Variants in CABCOCO1 observed in about 807,000 individuals in gnomAD.
The protein encoded by CABCOCO1 is ciliary associated calcium binding coiled-coil 1, also known as ciliary-associated calcium-binding coiled-coil protein 1.
In CABCOCO1, 28 loss-of-function variants were observed where a neutral mutation model predicts 35.7. The ratio of observed to expected loss-of-function variants is 0.78; its 90% CI spans 0.58 to 1.07. CABCOCO1 has a LOEUF of 1.07. Among genes scored for constraint, CABCOCO1 ranks in the 50% least tolerant of loss-of-function variants. The pLI, the probability that CABCOCO1 is intolerant of heterozygous loss-of-function variation, is 0.00. For missense variants in CABCOCO1, 326 were observed against 309.2 expected, an observed-to-expected ratio of 1.05 and a Z score of -0.41; for synonymous variants, 95 against 100.1, an observed-to-expected ratio of 0.95 and a Z score of 0.30.
intron 5 of CABCOCO1, among the ~76,000 whole-genome samples, chr10:61,703,435 G>A (rs1283313071): frequency 1.3e-5 from 2 of 151,948 alleles, no homozygotes; most frequent in Non-Finnish European, 2.9e-5. Context: ...AATGAACCCA[G>A]TTATTTTGCT....
chr10:61,703,950 G>A (rs980960389), intron 5 of CABCOCO1, among the ~76,000 whole-genome samples: 1 of 152,020 alleles, frequency 6.6e-6, no homozygotes, highest in Non-Finnish European at 1.5e-5. Flanking sequence ...AGTGGCTCAC[G>A]CCTGTAATCC....
intron 5 of CABCOCO1, among the ~76,000 whole-genome samples, chr10:61,709,757 C>T (rs1401622969): frequency 2.7e-5 from 4 of 150,818 alleles, no homozygotes; most frequent in South Asian, 4.2e-4. Flanking sequence ...TCTCATTTTT[C>T]GTAGGGTTCC....
At chr10:61,721,287 A>G (rs1170507114) in intron 5 of CABCOCO1, among the ~76,000 whole-genome samples, 4 of 151,916 alleles carry the variant, frequency 2.6e-5, no homozygotes, top group Admixed American at 2.0e-4. Flanking sequence ...AAACTTGCCC[A>G]TTTACCTGAA....
intron 5 of CABCOCO1, among the ~76,000 whole-genome samples, chr10:61,726,941 T>C (rs891404623): frequency 6.7e-6 from 1 of 149,922 alleles, no homozygotes; most frequent in Non-Finnish European, 1.5e-5. Context: ...CACACACCTG[T>C]AATTCCAGCT....
At position 61,678,731 on chromosome 10, in the gene CABCOCO1, G is replaced by GA. The variant is rs1036255504; in HGVS notation, c.165-2405dup. ...CACTCTTTCTTATTTTTATTCAACA[G>GA]AAAAAAAGAAACTGCATCCTCTGTT... is the stretch of plus-strand genomic sequence containing the variant. On this transcript the variant is annotated intron_variant, in intron 2 of 7. Transcript: ENST00000648843. 6.6e-5 allele frequency among the ~76,000 whole-genome samples: 10 copies of GA among 151,956 alleles called. No individual in the cohort carries two copies. The East Asian group carries it at 9.7e-4, about 15-fold the overall frequency.
chr10:61,725,261 A>T (rs1442031501), intron 5 of CABCOCO1, among the ~76,000 whole-genome samples: 1 of 152,194 alleles, frequency 6.6e-6, no homozygotes, highest in Non-Finnish European at 1.5e-5. Context: ...ATTACTGGGT[A>T]CATACCCAAA....
chr10:61,715,326 G>C (rs1483552431), intron 5 of CABCOCO1, among the ~76,000 whole-genome samples: 1 of 151,990 alleles, frequency 6.6e-6, no homozygotes, highest in South Asian at 2.1e-4. Context: ...CAGAGATTAG[G>C]CTTGCAACCC....
intron 5 of CABCOCO1, among the ~76,000 whole-genome samples, chr10:61,725,194 A>G (rs1167680004): frequency 6.6e-6 from 1 of 152,218 alleles, no homozygotes. Context: ...TGTGGAAGAC[A>G]GTGTGGCAAT....
chr10:61,764,040 C>T (rs1029168933), intron 7 of CABCOCO1, among the ~76,000 whole-genome samples: 2 of 152,016 alleles, frequency 1.3e-5, no homozygotes, highest in African/African-American at 4.8e-5. Context: ...TGAACCTTTT[C>T]CCAAGGCCTA....
At chr10:61,691,059 T>A (rs1297180071) in intron 5 of CABCOCO1, among the ~76,000 whole-genome samples, 6 of 152,150 alleles carry the variant, frequency 3.9e-5, no homozygotes, top group Admixed American at 3.3e-4. Context: ...CCTCAGTGGA[T>A]CAAACCTACC....
chr10:61,696,522 G>C (rs1010754156), intron 5 of CABCOCO1, among the ~76,000 whole-genome samples: 8 of 152,080 alleles, frequency 5.3e-5, no homozygotes, highest in South Asian at 4.2e-4. Context: ...TTTAGAGATA[G>C]GGTCTCATTC....
At chr10:61,736,229 G>A (rs1212998951) in intron 5 of CABCOCO1, among the ~76,000 whole-genome samples, 1 of 151,958 alleles carries the variant, frequency 6.6e-6, no homozygotes, top group Non-Finnish European at 1.5e-5. Flanking sequence ...CCTAGGTCCA[G>A]GATGGTATTG....
chr10:61,731,267 CA>C (rs1273213996), intron 5 of CABCOCO1, among the ~76,000 whole-genome samples: 6 of 151,136 alleles, frequency 4.0e-5, no homozygotes, highest in East Asian at 1.9e-4. Context: ...AAGTTATTTC[CA>C]AAAAAAAGTA....
At position 61,680,317 on chromosome 10, in the gene CABCOCO1, A is replaced by ATATATAT. The variant is rs768186050; in HGVS notation, c.165-826_165-825insTATATAT. ...TGAAGCAAGGCCCTGTCTCAAAAAAAATATATATATATATATTTATATACA... is the reference window on the plus strand; with the variant it reads ...TGAAGCAAGGCCCTGTCTCAAAAAAATATATATATATATATATATATATTTATATACA... On this transcript the variant is annotated intron_variant, in intron 2 of 7. Coordinates refer to ENST00000648843, the MANE Select transcript of CABCOCO1 (RefSeq NM_001366906.2). 4.5e-3 allele frequency among the ~76,000 whole-genome samples: 628 copies of ATATATAT among 140,476 alleles called. 4 individuals carry two copies. The highest frequency in any genetic ancestry group is 7.2e-3 in the Middle Eastern group (2 of 276). 92.2% of individuals were successfully genotyped at this position (140,476 alleles called of 152,430 possible). A position where few individuals can be genotyped will look rare whatever the true frequency, so the allele number is the denominator to read the frequency against.
intron 5 of CABCOCO1, among the ~76,000 whole-genome samples, chr10:61,720,914 A>ATTTTTTTTT (rs1840992456): frequency 1.7e-5 from 1 of 60,282 alleles, no homozygotes; most frequent in Non-Finnish European, 4.0e-5. Context: ...TTTTCTTTTC[A>ATTTTTTTTT]TTCTTTTTTT....
chr10:61,738,224 A>G (rs1841469036), intron 5 of CABCOCO1, among the ~76,000 whole-genome samples: 1 of 152,284 alleles, frequency 6.6e-6, no homozygotes, highest in East Asian at 1.9e-4. Flanking sequence ...ATTTGCCAGC[A>G]TACGTTCATC....
chr10:61,669,805 A>T (rs898672424), intron 1 of CABCOCO1, among the ~76,000 whole-genome samples: 1 of 152,024 alleles, frequency 6.6e-6, no homozygotes, highest in Non-Finnish European at 1.5e-5. Flanking sequence ...CTACCCAGAG[A>T]TTTTTCAAAT....
intron 5 of CABCOCO1, among the ~76,000 whole-genome samples, chr10:61,709,949 G>A (rs879849794): frequency 6.6e-6 from 1 of 151,948 alleles, no homozygotes. Flanking sequence ...TTAAGAGGGA[G>A]AACGACTTGA....
chr10:61,697,818 C>T (rs975921075), intron 5 of CABCOCO1, among the ~76,000 whole-genome samples: 3 of 152,002 alleles, frequency 2.0e-5, no homozygotes, highest in Admixed American at 6.6e-5. Flanking sequence ...TGGGTTTTTA[C>T]AAGACGAAAG....
Sources: gnomAD v4.1 joint callset for allele counts (sites outside exome capture counted in the v4.1 genomes callset) on GRCh38, gnomAD v4.1.1 for gene constraint, MANE v1.5 for transcripts, NCBI Gene and HGNC (gene_info 2026-07-23, HGNC 2026-07-21) for gene names.